The following PPP1R13B variants were observed in gnomAD, a reference collection of about 807,000 sequenced individuals.
PPP1R13B encodes apoptosis-stimulating of p53 protein 1.
In PPP1R13B, 44 loss-of-function variants were observed where a neutral mutation model predicts 119.8. The ratio of observed to expected loss-of-function variants is 0.37; its 90% CI spans 0.29 to 0.47. The LOEUF is 0.47. Ranked by LOEUF, PPP1R13B falls within the 20% of genes least tolerant of loss-of-function variation. The probability of loss-of-function intolerance (pLI) is 0.99; values close to 1 mark genes in which losing one functional copy is unlikely to be tolerated. For synonymous variants in PPP1R13B, 542 were observed against 561.5 expected (o/e 0.97, Z 0.49); for missense variants, 1,227 against 1,413.5 (o/e 0.87, Z 2.12).
Position 103,738,629 on chromosome 14 carries a change from G to A in PPP1R13B, c.2864+50C>T. 3.1e-6 allele frequency: 5 copies of A among 1,605,678 alleles called. No homozygotes were observed. Among genetic ancestry groups the A allele is most frequent in the Non-Finnish European group, 4.3e-6 (5 of 1,173,526 alleles). On this transcript the variant is annotated intron_variant, in intron 14 of 16. Coordinates refer to ENST00000202556, the MANE Select transcript of PPP1R13B (RefSeq NM_015316.3). The surrounding 1 kb of genome is among the most constrained non-coding windows in gnomAD (Gnocchi z 5.6). ...TCTAGAACACGCCTGTTTTCCTTATGCAAAGCAGGGAAAGTAAATCTGTCC... is the reference window on the plus strand; with the variant it reads ...TCTAGAACACGCCTGTTTTCCTTATACAAAGCAGGGAAAGTAAATCTGTCC...
At chr14:103,844,197 G>T (rs1281709874) in intron 1 of PPP1R13B, among the ~76,000 whole-genome samples, 1 of 151,980 alleles carries the variant, frequency 6.6e-6, no homozygotes, top group African/African-American at 2.4e-5. Context: ...AGCCTAGGAG[G>T]CGGAGGTCGC....
intron 1 of PPP1R13B, among the ~76,000 whole-genome samples, chr14:103,824,121 T>C (rs1051134828): frequency 7.0e-6 from 1 of 143,346 alleles, no homozygotes; most frequent in African/African-American, 2.5e-5. Flanking sequence ...TCTCGGCTCA[T>C]TGCGACCTCC....
At chr14:103,771,448 A>G (rs1712197066) in intron 4 of PPP1R13B, among the ~76,000 whole-genome samples, 1 of 151,842 alleles carries the variant, frequency 6.6e-6, no homozygotes, top group Non-Finnish European at 1.5e-5. Flanking sequence ...CCAAAGAGCA[A>G]CTAAGAAGAT....
chr14:103,844,078 G>A (rs1187361705), intron 1 of PPP1R13B, among the ~76,000 whole-genome samples: 1 of 151,860 alleles, frequency 6.6e-6, no homozygotes, highest in Non-Finnish European at 1.5e-5. Context: ...ACCAGCTTGA[G>A]CAACAAGGTG....
intron 2 of PPP1R13B, among the ~76,000 whole-genome samples, chr14:103,794,413 G>A (rs1163951842): frequency 1.3e-5 from 2 of 149,880 alleles, no homozygotes; most frequent in East Asian, 2.0e-4. Context: ...TGCAACCTCC[G>A]CCTCCCAGGT....
At chr14:103,833,410 G>A (rs1306607706) in intron 1 of PPP1R13B, among the ~76,000 whole-genome samples, 4 of 151,954 alleles carry the variant, frequency 2.6e-5, no homozygotes, top group Non-Finnish European at 4.4e-5. Context: ...TTGGGAGGCC[G>A]AGGCGAGTGG....
At chr14:103,834,274 G>T (rs1164580156) in intron 1 of PPP1R13B, among the ~76,000 whole-genome samples, 1 of 152,190 alleles carries the variant, frequency 6.6e-6, no homozygotes, top group African/African-American at 2.4e-5. Context: ...TGCTTGGGAG[G>T]CTGAGGCACG....
chr14:103,838,011 C>T (rs1168900148), intron 1 of PPP1R13B, among the ~76,000 whole-genome samples: 1 of 152,046 alleles, frequency 6.6e-6, no homozygotes, highest in Non-Finnish European at 1.5e-5. Flanking sequence ...CCCAGCTCCT[C>T]GGGAGGCTGA....
intron 1 of PPP1R13B, among the ~76,000 whole-genome samples, chr14:103,827,147 A>AC (rs112837103): frequency 8.3e-4 from 126 of 151,954 alleles, no homozygotes; most frequent in Admixed American, 1.6e-3. Flanking sequence ...ACACGGTGAA[A>AC]CCCCATCTCT....
chr14:103,775,669 C>T (rs982026435), intron 4 of PPP1R13B, among the ~76,000 whole-genome samples: 1 of 152,192 alleles, frequency 6.6e-6, no homozygotes, highest in Admixed American at 6.5e-5. Flanking sequence ...TGTTCCCAAG[C>T]TTGGCATGGC....
In PPP1R13B at chr14:103,753,024, T is replaced by G; in HGVS notation, c.804A>C (p.Leu268Phe). 1 of 1,614,184 alleles carries G rather than the reference T, an allele frequency of 6.2e-7. No individual in the cohort carries two copies. The highest frequency in any genetic ancestry group is 8.5e-7 in the Non-Finnish European group (1 of 1,180,018). The change falls in exon 7 of 17, where the codon TTA becomes TTC. Residue 268 changes from leucine to phenylalanine, a missense_variant. Coordinates refer to ENST00000202556, the MANE Select transcript of PPP1R13B (RefSeq NM_015316.3). ...GKLTGPAAVELKRLYQELQIR... is the reference protein window; with the variant it reads ...GKLTGPAAVEFKRLYQELQIR... Reference sequence around the variant, plus strand: ...CCTGTAGTTCTTGGTACAGTCTTTTTAACTCCACCGCCGCTGGTCCCGTCA... The same window carrying G: ...CCTGTAGTTCTTGGTACAGTCTTTTGAACTCCACCGCCGCTGGTCCCGTCA...
At chr14:103,801,077 C>T (rs2085889857) in intron 1 of PPP1R13B, among the ~76,000 whole-genome samples, 1 of 152,026 alleles carries the variant, frequency 6.6e-6, no homozygotes, top group South Asian at 2.1e-4. Context: ...CTCAAACTCC[C>T]GACCTCAGGT....
At chr14:103,790,686 G>A (rs563589012) in intron 2 of PPP1R13B, among the ~76,000 whole-genome samples, 1 of 152,254 alleles carries the variant, frequency 6.6e-6, no homozygotes, top group East Asian at 1.9e-4. Flanking sequence ...ACTCCAGCCT[G>A]CGTGACAGAA....
chr14:103,759,332 T>TC (rs1388915293), intron 4 of PPP1R13B: 1 of 148,280 alleles, frequency 6.7e-6, no homozygotes, highest in East Asian at 2.0e-4. Flanking sequence ...GTACAAGATT[T>TC]TTTTTTTTTT....
intron 11 of PPP1R13B, among the ~76,000 whole-genome samples, chr14:103,741,480 C>T (rs914658309): frequency 5.9e-5 from 9 of 152,174 alleles, no homozygotes; most frequent in African/African-American, 1.7e-4. Context: ...CAAGTTACCA[C>T]GAAACAGAAG....
intron 1 of PPP1R13B, among the ~76,000 whole-genome samples, chr14:103,832,499 A>G (rs8003653): frequency 0.45 from 67,729 of 152,098 alleles, 15,592 homozygotes; most frequent in African/African-American, 0.56. Context: ...GAAGGATTGA[A>G]GAAGTCTACA....
chr14:103,746,110 G>A (rs886185367), intron 9 of PPP1R13B, among the ~76,000 whole-genome samples: 5 of 152,230 alleles, frequency 3.3e-5, no homozygotes, highest in Non-Finnish European at 7.3e-5. Context: ...CCGGCCCATG[G>A]ATCAGAGTTT....
Position 103,813,111 on chromosome 14 carries a change from G to A in PPP1R13B, c.10-15593C>T, listed in dbSNP as rs141779760. Among the ~76,000 whole-genome samples the A allele has an allele frequency of 3.2e-3, 493 of 152,272 alleles. 3 individuals carry two copies. Among genetic ancestry groups the A allele is most frequent in the Admixed American group, 5.6e-3 (86 of 15,300 alleles). ...CAAAAACCTGCATGTGAATGTTTAT[G>A]GCAGCTTTGTTCATAATTGCCAAAA... On this transcript the variant is annotated intron_variant, in intron 1 of 16. Coordinates refer to ENST00000202556, the MANE Select transcript of PPP1R13B (RefSeq NM_015316.3).
chr14:103,827,577 T>C (rs2086576425), intron 1 of PPP1R13B, among the ~76,000 whole-genome samples: 2 of 150,604 alleles, frequency 1.3e-5, no homozygotes, highest in South Asian at 4.2e-4. Flanking sequence ...ACACTATAGA[T>C]CTATAGTGTG....
Sources: allele counts gnomAD v4.1 joint callset (sites outside exome capture counted in the v4.1 genomes callset), GRCh38; gene constraint gnomAD v4.1.1; non-coding constraint Gnocchi (gnomAD v3.1); transcripts MANE v1.5; gene names NCBI Gene and HGNC (gene_info 2026-07-23, HGNC 2026-07-21).